The following RIMS2 variants were observed in gnomAD, a reference collection of about 807,000 sequenced individuals.
The protein encoded by RIMS2 is regulating synaptic membrane exocytosis protein 2.
Under a neutral mutation model 174.4 loss-of-function variants are expected in RIMS2, and 59 were observed. That is an observed-to-expected ratio of 0.34 (90% confidence interval 0.27 to 0.42). The LOEUF (loss-of-function observed/expected upper bound fraction) is 0.42. RIMS2 is among the 10% of genes least tolerant of loss of function. The probability of loss-of-function intolerance (pLI) is 1.00; values close to 1 mark genes in which losing one functional copy is unlikely to be tolerated. For missense variants in RIMS2, 1,620 were observed against 1,666.3 expected (o/e 0.97, Z 0.48); for synonymous variants, 606 against 572.5 (o/e 1.06, Z -0.84).
At chr8:103,694,744 C>T (rs1270651401) in intron 1 of RIMS2, among the ~76,000 whole-genome samples, 1 of 152,136 alleles carries the variant, frequency 6.6e-6, no homozygotes, top group Admixed American at 6.5e-5. Flanking sequence ...TCTGAGGGTG[C>T]TAGCCTGATG....
At chr8:104,192,455 CTTG>C (rs1211486102) in intron 19 of RIMS2, among the ~76,000 whole-genome samples, 1 of 151,728 alleles carries the variant, frequency 6.6e-6, no homozygotes, top group African/African-American at 2.4e-5. Flanking sequence ...AATAATATTT[CTTG>C]TTATTTGAGC....
At chr8:103,783,690 C>T (rs1467501800) in intron 3 of RIMS2, among the ~76,000 whole-genome samples, 2 of 151,820 alleles carry the variant, frequency 1.3e-5, no homozygotes, top group South Asian at 2.1e-4. Context: ...GGGTTGGTTC[C>T]AAGTCTTTGC....
At chr8:103,697,007 T>C in intron 1 of RIMS2, 79 bp from the exon 4 acceptor site, 1 of 802,926 alleles carries the variant, frequency 1.2e-6, no homozygotes. Flanking sequence ...GTTATAAAAC[T>C]GTGTCTATAA....
chr8:103,786,788 C>T (rs77060796), intron 3 of RIMS2, among the ~76,000 whole-genome samples: 7,375 of 152,062 alleles, frequency 0.049, 575 homozygotes, highest in African/African-American at 0.16. Context: ...CTATTAAGTC[C>T]GCTTGGTGCA....
At chr8:103,772,896 A>G (rs1183189960) in intron 3 of RIMS2, among the ~76,000 whole-genome samples, 4 of 152,070 alleles carry the variant, frequency 2.6e-5, no homozygotes, top group African/African-American at 9.7e-5. Flanking sequence ...CTGAATATCC[A>G]TATGCAAAAA....
chr8:104,133,654 A>C (rs981094524), intron 19 of RIMS2, among the ~76,000 whole-genome samples: 1 of 152,180 alleles, frequency 6.6e-6, no homozygotes, highest in African/African-American at 2.4e-5. Context: ...AGCATGTAGG[A>C]TGCTGTTGCA....
At chr8:104,122,101 A>G (rs1360374577) in intron 19 of RIMS2, among the ~76,000 whole-genome samples, 1 of 152,208 alleles carries the variant, frequency 6.6e-6, no homozygotes, top group Non-Finnish European at 1.5e-5. Flanking sequence ...TGATAATAGT[A>G]GAGAAGGGTG....
intron 1 of RIMS2, among the ~76,000 whole-genome samples, chr8:103,659,029 G>A (rs1179122414): frequency 6.6e-6 from 1 of 152,312 alleles, no homozygotes; most frequent in South Asian, 2.1e-4. Context: ...GGCTAATGCT[G>A]ATAGAAATCG....
chr8:103,937,878 T>G (rs954234623), intron 13 of RIMS2, among the ~76,000 whole-genome samples: 2 of 152,230 alleles, frequency 1.3e-5, no homozygotes, highest in African/African-American at 4.8e-5. Flanking sequence ...TCTCTTTCCC[T>G]TCTCTATGGA....
intron 1 of RIMS2, among the ~76,000 whole-genome samples, chr8:103,647,888 TTTTTTTGA>T (rs2096372320): frequency 7.0e-6 from 1 of 143,364 alleles, no homozygotes; most frequent in South Asian, 2.1e-4. Context: ...TTCATTGATT[TTTTTTTGA>T]TTTTTTTTTT....
chr8:103,825,445 A>AT (rs2098783351), intron 3 of RIMS2, among the ~76,000 whole-genome samples: 1 of 81,230 alleles, frequency 1.2e-5, no homozygotes, highest in Non-Finnish European at 2.3e-5. Context: ...ATGGCTAGCT[A>AT]ATTTTTTTTT....
chr8:103,784,350 A>G (rs1263172484), intron 3 of RIMS2, among the ~76,000 whole-genome samples: 4 of 150,500 alleles, frequency 2.7e-5, no homozygotes, highest in South Asian at 2.1e-4. Flanking sequence ...GCCCATGCCT[A>G]TGTCCTGAAT....
chr8:104,093,033 T>C (rs1338447431), intron 19 of RIMS2, among the ~76,000 whole-genome samples: 1 of 152,028 alleles, frequency 6.6e-6, no homozygotes, highest in Admixed American at 6.6e-5. Flanking sequence ...TCGGCTTTTC[T>C]AAAAAGAGTT....
intron 1 of RIMS2, among the ~76,000 whole-genome samples, chr8:103,568,233 G>T (rs767143362): frequency 6.6e-6 from 1 of 152,168 alleles, no homozygotes; most frequent in Non-Finnish European, 1.5e-5. Flanking sequence ...GTGAGGTCGA[G>T]GTGGCACTGA....
At chr8:103,594,738 C>A (rs1350174141) in intron 1 of RIMS2, among the ~76,000 whole-genome samples, 3 of 151,738 alleles carry the variant, frequency 2.0e-5, no homozygotes, top group Admixed American at 2.0e-4. Flanking sequence ...ATGTTTCTAA[C>A]CTCAAGACAA....
At chr8:104,130,548 G>C (rs1050516238) in intron 19 of RIMS2, among the ~76,000 whole-genome samples, 4 of 152,112 alleles carry the variant, frequency 2.6e-5, no homozygotes, top group Admixed American at 2.0e-4. Context: ...AAATGGGCTT[G>C]GGAGCCTTGC....
At chr8:103,816,254 AT>A (rs1346739786) in intron 3 of RIMS2, among the ~76,000 whole-genome samples, 1 of 152,236 alleles carries the variant, frequency 6.6e-6, no homozygotes, top group African/African-American at 2.4e-5. Context: ...AAGCAAAAAA[AT>A]AAATAAATAA....
At chr8:103,896,225 CTCTT>C (rs2099276905) in intron 4 of RIMS2, among the ~76,000 whole-genome samples, 1 of 151,498 alleles carries the variant, frequency 6.6e-6, no homozygotes, top group East Asian at 1.9e-4. Context: ...CTGGGTTTGC[CTCTT>C]TTAGCTGACA....
At chr8:104,126,862 A>G (rs1007922374) in intron 19 of RIMS2, among the ~76,000 whole-genome samples, 1 of 152,128 alleles carries the variant, frequency 6.6e-6, no homozygotes, top group Non-Finnish European at 1.5e-5. Context: ...TTTCCTTAGT[A>G]CTTTTCAAGA....
Sources: allele counts gnomAD v4.1 joint callset (sites outside exome capture counted in the v4.1 genomes callset), GRCh38; gene constraint gnomAD v4.1.1; transcripts MANE v1.5; gene names NCBI Gene and HGNC (gene_info 2026-07-23, HGNC 2026-07-21).